Variants in TMEM9 observed in about 807,000 individuals in gnomAD.
TMEM9 encodes transmembrane protein 9, also known as proton-transporting V-type ATPase complex assembly regulator TMEM9.
In TMEM9, 13 loss-of-function variants were observed where a neutral mutation model predicts 22.8. That is an observed-to-expected ratio of 0.57 (90% CI 0.37 to 0.91). The LOEUF is 0.91. TMEM9 is among the 40% of genes least tolerant of loss of function. The pLI is 0.01. For missense variants in TMEM9, 182 were observed against 238.1 expected (o/e 0.76, Z 1.55); for synonymous variants, 88 against 93.0 (o/e 0.95, Z 0.31).
intron 4 of TMEM9, among the ~76,000 whole-genome samples, chr1:201,142,020 T>C (rs1664568137): frequency 6.6e-6 from 1 of 152,210 alleles, no homozygotes; most frequent in African/African-American, 2.4e-5. Context: ...TTATTAGCGA[T>C]GCTCCTCCCC....
chr1:201,152,161 GGTGT>G (rs3222916), intron 1 of TMEM9, among the ~76,000 whole-genome samples: 209 of 150,032 alleles, frequency 1.4e-3, no homozygotes, highest in Middle Eastern at 0.01. Flanking sequence ...AGGGGAAATG[GGTGT>G]GTGTGTGTGT....
chr1:201,170,711 A>C (rs1666189289), intron 1 of TMEM9, among the ~76,000 whole-genome samples: 1 of 152,134 alleles, frequency 6.6e-6, no homozygotes, highest in South Asian at 2.1e-4. Context: ...GTAAACGCAA[A>C]GGGCAAGTGT....
Position 201,143,440 on chromosome 1 carries a change from GACAA to G in TMEM9, c.399+376_399+379del, listed in dbSNP as rs759927327. ...TCAACAGATGTTTGTGGAATCACTG[GACAA>G]ACAAATTAACCTGCTGCCGTCCAGT... is the stretch of plus-strand genomic sequence containing the variant. On this transcript the variant is annotated intron_variant, in intron 4 of 4. Transcript: ENST00000367330. 2.6e-5 allele frequency among the ~76,000 whole-genome samples: 4 copies of G among 152,210 alleles called. No homozygotes were observed. In the South Asian group the frequency reaches 6.2e-4, roughly 24 times the overall value.
intron 4 of TMEM9, among the ~76,000 whole-genome samples, chr1:201,137,440 G>A (rs1488695567): frequency 6.7e-6 from 1 of 150,036 alleles, no homozygotes; most frequent in Non-Finnish European, 1.5e-5. Context: ...CTGCTATACG[G>A]TCATTAGGAA....
chr1:201,164,599 A>C (rs1356421346), intron 1 of TMEM9, among the ~76,000 whole-genome samples: 1 of 152,198 alleles, frequency 6.6e-6, no homozygotes, highest in African/African-American at 2.4e-5. Flanking sequence ...ATGCATTAGC[A>C]CACATAACTG....
chr1:201,155,174 C>T (rs776230098), upstream of TMEM9, among the ~76,000 whole-genome samples: 2 of 152,202 alleles, frequency 1.3e-5, no homozygotes. Context: ...GTGAGGACAC[C>T]GGGGCTTTGG....
intron 4 of TMEM9, among the ~76,000 whole-genome samples, chr1:201,139,006 G>A (rs1255408707): frequency 3.3e-5 from 5 of 152,192 alleles, no homozygotes; most frequent in East Asian, 1.9e-4. Context: ...GACATCAAGC[G>A]AGGCCCTCTT....
chr1:201,164,864 A>T (rs1407310732), intron 1 of TMEM9, among the ~76,000 whole-genome samples: 1 of 151,274 alleles, frequency 6.6e-6, no homozygotes, highest in Non-Finnish European at 1.5e-5. Flanking sequence ...CTCAGGGAAG[A>T]CTCTAATTGT....
intron 3 of TMEM9, 133 bp downstream of exon 3, chr1:201,146,607 G>T: frequency 1.0e-6 from 1 of 957,976 alleles, no homozygotes; most frequent in Non-Finnish European, 1.7e-6. Flanking sequence ...GTCTGCACTA[G>T]GCCAGCCTAG....
Position 201,135,587 on chromosome 1 carries a change from A to C in TMEM9, c.*76T>G. 2.9e-6 allele frequency: 4 copies of C among 1,401,742 alleles called. No individual in the cohort carries two copies. The highest frequency in any genetic ancestry group is 3.8e-6 in the Non-Finnish European group (4 of 1,053,058). 86.8% of individuals were successfully genotyped at this position (1,401,742 alleles called of 1,614,324 possible). A position where few individuals can be genotyped will look rare whatever the true frequency, so the allele number is the denominator to read the frequency against. ...AAGACTGGAACCGAGGGAAGGGAGA[A>C]GTAGCCCCCTGCTTTGTCCAGCCTG... is the stretch of plus-strand genomic sequence containing the variant. On this transcript the variant is annotated 3_prime_UTR_variant, in exon 5 of 5. Coordinates refer to ENST00000367330, the MANE Select transcript of TMEM9 (RefSeq NM_001288565.2).
intron 1 of TMEM9, among the ~76,000 whole-genome samples, chr1:201,164,786 G>A (rs933925678): frequency 2.0e-5 from 3 of 151,942 alleles, no homozygotes; most frequent in African/African-American, 2.4e-5. Context: ...CCTCAGCCCC[G>A]CATTGTTGTG....
intron 2 of TMEM9, 67 bp from the exon 3 acceptor site, chr1:201,146,915 A>C: frequency 6.7e-7 from 1 of 1,482,322 alleles, no homozygotes; most frequent in Non-Finnish European, 9.4e-7. Flanking sequence ...AGACCAGAGA[A>C]GCAGGTAGCC....
In TMEM9 at chr1:201,159,575, CTT is replaced by C. The variant is rs35944174; in HGVS notation, c.-36-5618_-36-5617del. ...ACACTTAAGCAAATAGCAATTAAAC[CTT>C]TTTTTTTTTTTTTTTTAAAGAGATG... On this transcript the variant is annotated intron_variant, in intron 1 of 5. Coordinates refer to the TMEM9 transcript ENST00000367333. 5.0e-3 allele frequency among the ~76,000 whole-genome samples: 675 copies of C among 133,672 alleles called. 5 individuals carry two copies. Among genetic ancestry groups the C allele is most frequent in the African/African-American group, 8.7e-3 (311 of 35,660 alleles). 87.7% of individuals were successfully genotyped at this position (133,672 alleles called of 152,430 possible). A position where few individuals can be genotyped will look rare whatever the true frequency, so the allele number is the denominator to read the frequency against.
chr1:201,151,206 C>T (rs980085103), intron 2 of TMEM9, among the ~76,000 whole-genome samples: 1 of 152,206 alleles, frequency 6.6e-6, no homozygotes, highest in Admixed American at 6.5e-5. Flanking sequence ...TGTGCTAAAA[C>T]TTCCCTTCAC....
rs765142412 is a variant in TMEM9 at position 201,153,896 on chromosome 1, C to T, written c.28G>A (p.Val10Ile). The T allele has an allele frequency of 6.2e-7, 1 of 1,613,852 alleles. No individual in the cohort carries two copies. Among genetic ancestry groups the T allele is most frequent in the South Asian group, 1.1e-5 (1 of 91,044 alleles). MKLLSLVAVVGCLLVPPAEA... is the reference protein window; with the variant it reads MKLLSLVAVIGCLLVPPAEA... ...GCTGGGGGCACCAGCAAACACCCGA[C>T]CACAGCCACCAAAGATAAGAGCTTC... The change falls in exon 1 of 5, where the codon GTC becomes ATC. Residue 10 changes from valine to isoleucine, a missense_variant. Physicochemically the swap from Val to Ile is conservative, Grantham distance 29 (BLOSUM62 3). Transcript: ENST00000367330.
At chr1:201,138,261 G>A (rs1664178221) in intron 4 of TMEM9, among the ~76,000 whole-genome samples, 1 of 152,170 alleles carries the variant, frequency 6.6e-6, no homozygotes, top group Admixed American at 6.5e-5. Context: ...AAGGGAACAT[G>A]CTGAAATTCA....
At chr1:201,169,005 G>A (rs1467836992) in intron 1 of TMEM9, among the ~76,000 whole-genome samples, 4 of 136,638 alleles carry the variant, frequency 2.9e-5, no homozygotes, top group East Asian at 2.1e-4. Flanking sequence ...GTCTCACTAC[G>A]TTGCCCGAGC....
chr1:201,158,188 G>A (rs1455446676), upstream of TMEM9, among the ~76,000 whole-genome samples: 4 of 152,144 alleles, frequency 2.6e-5, no homozygotes, highest in Non-Finnish European at 4.4e-5. Context: ...GCCAGCCAAT[G>A]CATTCTTCCC....
chr1:201,147,567 C>T (rs1665078678), intron 2 of TMEM9, among the ~76,000 whole-genome samples: 1 of 152,192 alleles, frequency 6.6e-6, no homozygotes. Flanking sequence ...GACAACCGCA[C>T]CAGCCTCCGC....
Sources: allele counts gnomAD v4.1 joint callset (sites outside exome capture counted in the v4.1 genomes callset), GRCh38; gene constraint gnomAD v4.1.1; transcripts MANE v1.5; gene names NCBI Gene and HGNC (gene_info 2026-07-23, HGNC 2026-07-21).